Variants in LRFN5 observed in about 807,000 individuals in gnomAD.
LRFN5 encodes the protein leucine rich repeat and fibronectin type III domain containing 5.
Under a neutral mutation model 45.6 loss-of-function variants are expected in LRFN5, and 24 were observed. The ratio of observed to expected loss-of-function variants is 0.53; its 90% CI spans 0.38 to 0.74. The LOEUF is 0.74. Ranked by LOEUF, LRFN5 falls within the 30% of genes least tolerant of loss-of-function variation. The pLI is 0.00. For synonymous variants in LRFN5, 340 were observed against 313.8 expected (o/e 1.08, Z -0.88); for missense variants, 776 against 861.5 (o/e 0.90, Z 1.24).
chr14:41,884,583 T>C (rs766548095), intron 2 of LRFN5, among the ~76,000 whole-genome samples: 9 of 152,156 alleles, frequency 5.9e-5, no homozygotes, highest in Non-Finnish European at 1.3e-4. Context: ...GGACTGCTTA[T>C]CTGCCTTATG....
At position 41,902,179 on chromosome 14, in the gene LRFN5, T is replaced by C. The variant is rs61988458; in HGVS notation, c.2143-1979T>C. On this transcript the variant is annotated intron_variant, in intron 5 of 5. Coordinates refer to ENST00000298119, the MANE Select transcript of LRFN5 (RefSeq NM_152447.5). Reference sequence around the variant, plus strand: ...GTTCAGGGAGCTTGCATTTCTTATTTATCTTTTAGTACTGTTAATAAGACT... The same window carrying C: ...GTTCAGGGAGCTTGCATTTCTTATTCATCTTTTAGTACTGTTAATAAGACT... 7.4e-3 allele frequency among the ~76,000 whole-genome samples: 1,128 copies of C among 152,046 alleles called. 6 individuals are homozygous for C. Among genetic ancestry groups the C allele is most frequent in the South Asian group, 0.024 (118 of 4,828 alleles).
chr14:41,790,676 G>A (rs1886887711), intron 2 of LRFN5, among the ~76,000 whole-genome samples: 1 of 150,716 alleles, frequency 6.6e-6, no homozygotes, highest in Admixed American at 6.6e-5. Flanking sequence ...TTATAAAAAA[G>A]AACTTTATTT....
rs976747264 is a variant in LRFN5, at chr14:41,739,222, C to T, written c.-196-27632C>T. On this transcript the variant is annotated intron_variant, in intron 1 of 5. Coordinates refer to ENST00000298119, the MANE Select transcript of LRFN5 (RefSeq NM_152447.5). ...GCAACATGGCCAAAGCCCATCTCCACAAAAATACAAAAATAAGCCAGGCAT... is the reference window on the plus strand; with the variant it reads ...GCAACATGGCCAAAGCCCATCTCCATAAAAATACAAAAATAAGCCAGGCAT... 4.6e-5 allele frequency among the ~76,000 whole-genome samples: 7 copies of T among 152,076 alleles called. No individual in the cohort carries two copies. The East Asian group carries it at 1.4e-3, about 30-fold the overall frequency.
intron 2 of LRFN5, among the ~76,000 whole-genome samples, chr14:41,805,288 T>C (rs1274740912): frequency 6.6e-6 from 1 of 151,110 alleles, no homozygotes; most frequent in African/African-American, 2.4e-5. Flanking sequence ...TATTTTTATA[T>C]ATTATAGAAT....
At chr14:41,660,975 T>C (rs1880624542) in intron 1 of LRFN5, among the ~76,000 whole-genome samples, 2 of 151,494 alleles carry the variant, frequency 1.3e-5, no homozygotes. Context: ...TTATTGCGCT[T>C]ATATATTTTT....
chr14:41,814,622 G>T (rs1326630911), intron 2 of LRFN5, among the ~76,000 whole-genome samples: 1 of 152,130 alleles, frequency 6.6e-6, no homozygotes, highest in Non-Finnish European at 1.5e-5. Flanking sequence ...GTTAGGTTAA[G>T]AGAATCTTTG....
At chr14:41,671,617 GTT>G (rs914212982) in intron 1 of LRFN5, among the ~76,000 whole-genome samples, 2,488 of 77,958 alleles carry the variant, frequency 0.032, 167 homozygotes, top group East Asian at 0.3. Context: ...TTTTTTTTTC[GTT>G]TTTTTTTTTT....
At chr14:41,867,122 A>G (rs1287316204) in intron 2 of LRFN5, among the ~76,000 whole-genome samples, 1 of 152,144 alleles carries the variant, frequency 6.6e-6, no homozygotes, top group Admixed American at 6.6e-5. Flanking sequence ...ATAAGGCAGT[A>G]CAAGTATGGT....
At chr14:41,815,266 G>T (rs543548302) in intron 2 of LRFN5, among the ~76,000 whole-genome samples, 4 of 152,110 alleles carry the variant, frequency 2.6e-5, no homozygotes, top group Admixed American at 2.0e-4. Flanking sequence ...TTTTCATGGA[G>T]AATTTGCCCT....
chr14:41,831,086 A>G (rs994771125), intron 2 of LRFN5, among the ~76,000 whole-genome samples: 6 of 152,182 alleles, frequency 3.9e-5, no homozygotes, highest in African/African-American at 1.4e-4. Flanking sequence ...TCATTTTCTT[A>G]ATCATCTGTT....
chr14:41,688,553 A>G (rs1180565387), intron 1 of LRFN5, among the ~76,000 whole-genome samples: 2 of 152,096 alleles, frequency 1.3e-5, no homozygotes, highest in African/African-American at 2.4e-5. Flanking sequence ...TAAATGATCA[A>G]CTGGAAGAAA....
chr14:41,699,828 A>C (rs1326833803), intron 1 of LRFN5: 1 of 152,112 alleles, frequency 6.6e-6, no homozygotes. Flanking sequence ...AAGGAAATAC[A>C]ATAACATTAG....
intron 1 of LRFN5, among the ~76,000 whole-genome samples, chr14:41,613,045 A>G (rs2138541116): frequency 6.6e-6 from 1 of 152,260 alleles, no homozygotes; most frequent in East Asian, 1.9e-4. Flanking sequence ...AGTGATAAAA[A>G]TTACAATGGA....
At chr14:41,800,389 A>G (rs952111462) in intron 2 of LRFN5, among the ~76,000 whole-genome samples, 1 of 152,066 alleles carries the variant, frequency 6.6e-6, no homozygotes, top group Admixed American at 6.6e-5. Context: ...AAGTATAACT[A>G]AACTAAAATT....
At chr14:41,793,206 T>G (rs1886995054) in intron 2 of LRFN5, among the ~76,000 whole-genome samples, 1 of 152,004 alleles carries the variant, frequency 6.6e-6, no homozygotes, top group African/African-American at 2.4e-5. Context: ...CATGAAATTT[T>G]CACAATTCAT....
rs113456374 is a variant in LRFN5 at position 41,666,979 on chromosome 14, G to A, written c.-197+58417G>A. 9.8e-3 allele frequency among the ~76,000 whole-genome samples: 1,485 copies of A among 152,126 alleles called. 6 individuals are homozygous for A. The highest frequency in any genetic ancestry group is 0.017 in the Non-Finnish European group (1,148 of 67,954). ...TTATACAACGTTATAGAGTTTTGTA[G>A]GATTTTTATTGTATTTCTATTTCTT... On this transcript the variant is annotated intron_variant, in intron 1 of 5. Coordinates refer to ENST00000298119, the MANE Select transcript of LRFN5 (RefSeq NM_152447.5).
chr14:41,687,517 A>G (rs762470498), intron 1 of LRFN5, among the ~76,000 whole-genome samples: 3 of 152,218 alleles, frequency 2.0e-5, no homozygotes, highest in Non-Finnish European at 4.4e-5. Context: ...AAATCATTCT[A>G]CTATAAAGAC....
chr14:41,895,558 G>T (rs1425896796), intron 4 of LRFN5, among the ~76,000 whole-genome samples: 1 of 152,050 alleles, frequency 6.6e-6, no homozygotes, highest in East Asian at 1.9e-4. Context: ...CTGGGAGGTG[G>T]AGGTGGCAGT....
chr14:41,743,145 C>G (rs1433747680), intron 1 of LRFN5, among the ~76,000 whole-genome samples: 1 of 152,132 alleles, frequency 6.6e-6, no homozygotes, highest in South Asian at 2.1e-4. Context: ...ATTGTTCATG[C>G]ATATCCTTGC....
Sources: gnomAD v4.1 joint callset for allele counts (sites outside exome capture counted in the v4.1 genomes callset) on GRCh38, gnomAD v4.1.1 for gene constraint, MANE v1.5 for transcripts, NCBI Gene and HGNC (gene_info 2026-07-23, HGNC 2026-07-21) for gene names.